ZNF444: variants seen among roughly 807,000 people sequenced by gnomAD.
ZNF444 encodes zinc finger protein 444, also known as endothelial zinc finger protein 2.
ZNF444 carries 8 observed loss-of-function variants against 14.4 expected under a neutral mutation model. The ratio of observed to expected loss-of-function variants is 0.56; its 90% CI spans 0.33 to 1.00. ZNF444 has a LOEUF of 1.00. ZNF444 is among the 50% of genes least tolerant of loss of function. The probability of loss-of-function intolerance (pLI) is 0.03; values close to 1 mark genes in which losing one functional copy is unlikely to be tolerated. For synonymous variants in ZNF444, 258 were observed against 235.9 expected, an observed-to-expected ratio of 1.09 and a Z score of -0.86; for missense variants, 510 against 504.8, an observed-to-expected ratio of 1.01 and a Z score of -0.10.
In ZNF444 at chr19:56,159,809, C is replaced by G; in HGVS notation, c.592C>G (p.Arg198Gly). 6.3e-7 allele frequency: 1 copy of G among 1,584,338 alleles called. No individual in the cohort carries two copies. Among genetic ancestry groups the G allele is most frequent in the Non-Finnish European group, 8.5e-7 (1 of 1,170,628 alleles). The stretch of plus-strand genomic sequence containing the variant: ...GAAACCAGCTCACCTGCTGCGCCAC[C>G]GGCAGAGCCACTCGGGCGAGAAGCC... ...SLKPAHLLRHRQSHSGEKPHA... is the reference protein window; with the variant it reads ...SLKPAHLLRHGQSHSGEKPHA... Residue 198 changes from arginine (R) to glycine (G), a missense_variant, in exon 5 of 5, where the codon CGG (arginine) becomes GGG (glycine). By Grantham distance (125) the Arg-to-Gly change is moderately radical (BLOSUM62 -2). Coordinates refer to ENST00000337080, the MANE Select transcript of ZNF444 (RefSeq NM_018337.4).
upstream of ZNF444, among the ~76,000 whole-genome samples, chr19:56,138,891 G>C (rs2030673831): frequency 7.1e-6 from 1 of 140,778 alleles, no homozygotes; most frequent in Admixed American, 7.8e-5. Context: ...CCACCTTCCA[G>C]GTTCAAGAGA....
At chr19:56,152,023 A>G (rs2031612663) in intron 3 of ZNF444, 1 of 410,354 alleles carries the variant, frequency 2.4e-6, no homozygotes, top group Non-Finnish European at 4.8e-6. Context: ...AGTAGAGCTC[A>G]CCTGGAAACT....
chr19:56,144,999 A>G lies in ZNF444; in HGVS notation c.-196-1248A>G, dbSNP rs568437757. Among the ~76,000 whole-genome samples, 670 of 152,304 alleles carry G rather than the reference A, an allele frequency of 4.4e-3. 3 individuals are homozygous for G. Among genetic ancestry groups the G allele is most frequent in the Admixed American group, 0.014 (213 of 15,292 alleles). ...GGCTCTGTGGACAGCCTTACAGGCC[A>G]CCCAGGCCCTGTCACAGCCACTCGG... On this transcript the variant is annotated intron_variant, in intron 1 of 4. Transcript: ENST00000337080. This position sits in a 1 kb window ranked among gnomAD's most constrained non-coding sequence, Gnocchi z 4.0.
chr19:56,156,418 G>A (rs1254532580), intron 3 of ZNF444: 1 of 152,244 alleles, frequency 6.6e-6, no homozygotes, highest in East Asian at 1.9e-4. Context: ...AACCTCGCAA[G>A]GCCTGTGTGT....
rs1300301173 is a variant in ZNF444 at position 56,160,123 on chromosome 19, G to C, written c.906G>C (p.Arg302=). The change falls in exon 5 of 5, where the codon CGG becomes CGC. Residue 302 remains arginine, a synonymous_variant. Transcript: ENST00000337080. The part of the protein sequence containing the change: ...HVLRHQRIHG[R]AAASAQGAVA... Reference sequence around the variant, plus strand: ...TGCGCCACCAGCGCATCCACGGCCGGGCAGCGGCCAGCGCGCAGGGGGCGG... The same window carrying C: ...TGCGCCACCAGCGCATCCACGGCCGCGCAGCGGCCAGCGCGCAGGGGGCGG... 19 of 1,485,700 alleles carry C rather than the reference G, an allele frequency of 1.3e-5. No homozygotes were observed. The East Asian group carries it at 3.6e-4, about 28-fold the overall frequency. 92.0% of individuals were successfully genotyped at this position (1,485,700 alleles called of 1,614,324 possible).
chr19:56,158,795 CATCT>C (rs2032070075), intron 4 of ZNF444, among the ~76,000 whole-genome samples, 193 bp downstream of exon 4: 1 of 152,026 alleles, frequency 6.6e-6, no homozygotes, highest in Non-Finnish European at 1.5e-5. Context: ...TTCATCCATC[CATCT>C]ATCCATCCAT....
chr19:56,136,994 G>C (rs931156605), upstream of ZNF444, among the ~76,000 whole-genome samples: 1 of 151,396 alleles, frequency 6.6e-6, no homozygotes, highest in East Asian at 2.0e-4. Context: ...TGTTGGTCAG[G>C]CTGGTCTCAA....
chr19:56,143,906 A>G (rs1160625675), intron 1 of ZNF444, among the ~76,000 whole-genome samples: 1 of 152,170 alleles, frequency 6.6e-6, no homozygotes, highest in African/African-American at 2.4e-5. Context: ...GGCCTCAGTC[A>G]TGAGAAGGAG....
Position 56,144,442 on chromosome 19 carries a change from C to A in ZNF444, c.-196-1805C>A, listed in dbSNP as rs951449797. Reference sequence around the variant, plus strand: ...AGTAAGCAATTTGGGTTTTGAGCATCACAGGAAGCAGTTGGAGGGCACTGA... The same window carrying A: ...AGTAAGCAATTTGGGTTTTGAGCATAACAGGAAGCAGTTGGAGGGCACTGA... On this transcript the variant is annotated intron_variant, in intron 1 of 4. Coordinates refer to ENST00000337080, the MANE Select transcript of ZNF444 (RefSeq NM_018337.4). This position sits in a 1 kb window ranked among gnomAD's most constrained non-coding sequence, Gnocchi z 4.0. Among the ~76,000 whole-genome samples the A allele has an allele frequency of 5.9e-5, 9 of 152,152 alleles. No individual in the cohort carries two copies. The highest frequency in any genetic ancestry group is 1.2e-4 in the Non-Finnish European group (8 of 68,022).
chr19:56,160,056 G>T lies in ZNF444; in HGVS notation c.839G>T (p.Cys280Phe). The T allele has an allele frequency of 6.6e-7, 1 of 1,506,686 alleles. No individual in the cohort carries two copies. 93.3% of individuals were successfully genotyped at this position (1,506,686 alleles called of 1,614,324 possible). A position where few individuals can be genotyped will look rare whatever the true frequency, so the allele number is the denominator to read the frequency against. Residue 280 changes from cysteine to phenylalanine, a missense_variant, in exon 5 of 5, where the codon TGC becomes TTC. Cys to Phe is a radical substitution (Grantham distance 205). Coordinates refer to ENST00000337080, the MANE Select transcript of ZNF444 (RefSeq NM_018337.4). ...KTHSGARPFA[C>F]WECGKGFGRR... ...CACTCGGGAGCGCGGCCCTTTGCCT[G>T]CTGGGAGTGTGGCAAGGGCTTCGGG...
At position 56,147,634 on chromosome 19, in the gene ZNF444, G is replaced by T. The variant is rs1370496331; in HGVS notation, c.297+426G>T. 6.6e-6 allele frequency among the ~76,000 whole-genome samples: 1 copy of T among 152,090 alleles called. No individual in the cohort carries two copies. The highest frequency in any genetic ancestry group is 2.4e-5 in the African/African-American group (1 of 41,412). On this transcript the variant is annotated intron_variant, in intron 3 of 4. Transcript: ENST00000337080. This position sits in a 1 kb window ranked among gnomAD's most constrained non-coding sequence, Gnocchi z 5.9. ...ACCGTGGTGTCCTGGGTTCTTACTG[G>T]GGACTCCTCCCCGTTCTGTGTGGCT... is the stretch of plus-strand genomic sequence containing the variant.
chr19:56,160,080 GGCGCCGCGAGCACGTGCT>G lies in ZNF444; in HGVS notation c.869_886del (p.Arg290_Arg295del). ...TGCTGGGAGTGTGGCAAGGGCTTCGGGCGCCGCGAGCACGTGCTGCGCCACCAGCGCATCCACGGCCGG... is the reference window on the plus strand; with the variant it reads ...TGCTGGGAGTGTGGCAAGGGCTTCGGGCGCCACCAGCGCATCCACGGCCGG... On this transcript the variant is annotated inframe_deletion, in exon 5 of 5. Transcript: ENST00000337080. 1 of 1,500,716 alleles carries G rather than the reference GGCGCCGCGAGCACGTGCT, an allele frequency of 6.7e-7. No individual in the cohort carries two copies. The highest frequency in any genetic ancestry group is 1.2e-5 in the South Asian group (1 of 81,404). The allele number at this position is 1,500,716 out of a possible 1,614,324, so 93.0% of individuals were successfully genotyped here. A position where few individuals can be genotyped will look rare whatever the true frequency, so the allele number is the denominator to read the frequency against.
Position 56,159,768 on chromosome 19 carries a change from G to A in ZNF444, c.551G>A (p.Cys184Tyr). ...CCGGGCACCACGTCCTGCCCCGAGT[G>A]CGGCAAAACGTCCCTGAAACCAGCT... ...AAPGTTSCPE[C>Y]GKTSLKPAHL... Residue 184 changes from cysteine to tyrosine, a missense_variant, in exon 5 of 5, where the codon TGC becomes TAC. By Grantham distance (194) the Cys-to-Tyr change is radical. Coordinates refer to ENST00000337080, the MANE Select transcript of ZNF444 (RefSeq NM_018337.4). 1.3e-6 allele frequency: 2 copies of A among 1,593,968 alleles called. No individual in the cohort carries two copies. The highest frequency in any genetic ancestry group is 1.7e-4 in the Middle Eastern group (1 of 6,042).
In ZNF444 at chr19:56,133,549, ACG is replaced by A. The variant is rs1399753576; in HGVS notation, c.-197+773_-197+774del. Among the ~76,000 whole-genome samples the A allele has an allele frequency of 3.0e-3, 452 of 148,214 alleles. 2 individuals carry two copies. Among genetic ancestry groups the A allele is most frequent in the African/African-American group, 0.011 (436 of 38,012 alleles). Reference sequence around the variant, plus strand: ...ATTCTCAGGCCGGGCGCGATGGCTCACGCCTGTAATCCCAGCACTTCGGGAGG... The same window carrying A: ...ATTCTCAGGCCGGGCGCGATGGCTCACCTGTAATCCCAGCACTTCGGGAGG... On this transcript the variant is annotated intron_variant, in intron 1 of 2. Transcript: ENST00000587467.
chr19:56,144,325 A>G lies in ZNF444; in HGVS notation c.-196-1922A>G, dbSNP rs113110780. ...CCCTGTCTTAAAAAAAAGAAAAAAGAAAAAAAGGGATCCATTGTGGCTGGA... is the reference window on the plus strand; with the variant it reads ...CCCTGTCTTAAAAAAAAGAAAAAAGGAAAAAAGGGATCCATTGTGGCTGGA... On this transcript the variant is annotated intron_variant, in intron 1 of 4. Transcript: ENST00000337080. This position sits in a 1 kb window ranked among gnomAD's most constrained non-coding sequence, Gnocchi z 4.0. 6.6e-6 allele frequency among the ~76,000 whole-genome samples: 1 copy of G among 151,940 alleles called. No homozygotes were observed. The highest frequency in any genetic ancestry group is 6.6e-5 in the Admixed American group (1 of 15,234).
At chr19:56,142,529 A>AT (rs1189644225) in intron 1 of ZNF444, 1 of 152,206 alleles carries the variant, frequency 6.6e-6, no homozygotes, top group Non-Finnish European at 1.5e-5. Context: ...AGAGGCAGAG[A>AT]TGCTGGTAGA....
chr19:56,133,119 G>T (rs2030526323), intron 1 of ZNF444, among the ~76,000 whole-genome samples: 1 of 151,730 alleles, frequency 6.6e-6, no homozygotes, highest in Non-Finnish European at 1.5e-5. Flanking sequence ...TGTATTTTTA[G>T]TAGAGATGTG....
Position 56,158,491 on chromosome 19 carries a change from C to A in ZNF444, c.298-3C>A. On this transcript the variant is annotated splice_region_variant and splice_polypyrimidine_tract_variant and intron_variant, in intron 3 of 4. Coordinates refer to ENST00000337080, the MANE Select transcript of ZNF444 (RefSeq NM_018337.4). The stretch of plus-strand genomic sequence containing the variant: ...TGAGTTCAAAACTGTGCTCTCATTT[C>A]AGGGGCCAGCAGCCTCCCCCGATGG... The A allele has an allele frequency of 6.2e-7, 1 of 1,603,330 alleles. No individual in the cohort carries two copies. Among genetic ancestry groups the A allele is most frequent in the African/African-American group, 1.3e-5 (1 of 74,474 alleles).
rs538483363 is a variant in ZNF444, at chr19:56,160,218, G to A, written c.*17G>A. On this transcript the variant is annotated 3_prime_UTR_variant, in exon 5 of 5. Coordinates refer to ENST00000337080, the MANE Select transcript of ZNF444 (RefSeq NM_018337.4). ...TTGGGTTAGCCGCCTCCCGGCCAGC[G>A]CCATCTCCCGCCCTTGGTGCTGCCC... 18 of 1,419,020 alleles carry A rather than the reference G, an allele frequency of 1.3e-5. No individual in the cohort carries two copies. The highest frequency in any genetic ancestry group is 1.5e-5 in the African/African-American group (1 of 66,026). The allele number at this position is 1,419,020 out of a possible 1,614,324, so 87.9% of individuals were successfully genotyped here.
Sources: allele counts gnomAD v4.1 joint callset (sites outside exome capture counted in the v4.1 genomes callset), GRCh38; gene constraint gnomAD v4.1.1; non-coding constraint Gnocchi (gnomAD v3.1); transcripts MANE v1.5; gene names NCBI Gene and HGNC (gene_info 2026-07-23, HGNC 2026-07-21).